BRAF: variants seen among roughly 807,000 people sequenced by gnomAD.
BRAF encodes B-Raf proto-oncogene, serine/threonine kinase, also known as serine/threonine-protein kinase B-raf.
In BRAF, 16 loss-of-function variants were observed where a neutral mutation model predicts 104.6. The observed-to-expected ratio is 0.15, with a 90% CI of 0.10 to 0.23. The LOEUF is 0.23. BRAF is among the 10% of genes least tolerant of loss of function. The pLI is 1.00. For missense variants in BRAF, 541 were observed against 937.3 expected (o/e 0.58, Z 5.52); for synonymous variants, 310 against 341.6 (o/e 0.91, Z 1.02).
At chr7:140,819,978 C>T (rs1338377503) in intron 3 of BRAF, among the ~76,000 whole-genome samples, 3 of 152,084 alleles carry the variant, frequency 2.0e-5, no homozygotes, top group Non-Finnish European at 4.4e-5. Flanking sequence ...TGAATTATAT[C>T]TCAATAAACC....
chr7:140,854,128 C>T (rs529065057), intron 1 of BRAF, among the ~76,000 whole-genome samples: 223 of 152,252 alleles, frequency 1.5e-3, no homozygotes, highest in Admixed American at 2.9e-3. Flanking sequence ...CAGCAGCACA[C>T]CTGGCTAATT....
chr7:140,766,680 A>G (rs552803054), intron 14 of BRAF, among the ~76,000 whole-genome samples: 1 of 152,026 alleles, frequency 6.6e-6, no homozygotes, highest in East Asian at 1.9e-4. Flanking sequence ...CCTCCCGAGT[A>G]GCTGGGACCA....
intron 1 of BRAF, among the ~76,000 whole-genome samples, chr7:140,859,251 G>A (rs1001262089): frequency 3.9e-5 from 6 of 152,218 alleles, no homozygotes; most frequent in African/African-American, 1.4e-4. Flanking sequence ...AGTTGGCTCA[G>A]GAGGTCTGAG....
Position 140,808,155 on chromosome 7 carries a change from G to C in BRAF, c.609-93C>G, listed in dbSNP as rs1480423841. ...AGATATGAAAATTGGTTATCGAGGG[G>C]CTAGTAACAGTGAGGGAGGTTTGGC... is the stretch of plus-strand genomic sequence containing the variant. On this transcript the variant is annotated intron_variant, in intron 4 of 19. Coordinates refer to ENST00000644969, the MANE Select transcript of BRAF (RefSeq NM_001374258.1). The C allele has an allele frequency of 6.3e-6, 6 of 951,692 alleles. No homozygotes were observed. In the East Asian group the frequency reaches 1.5e-4, roughly 24 times the overall value. The allele number at this position is 951,692 out of a possible 1,614,324, so 59.0% of individuals were successfully genotyped here. A position where few individuals can be genotyped will look rare whatever the true frequency, so the allele number is the denominator to read the frequency against.
In BRAF at chr7:140,798,089, T is replaced by A. The variant is rs538158424; in HGVS notation, c.980+2273A>T. ...ACCAGAAAGGTTGGCTTTGTAAAAA[T>A]TACAAAGTTGTACTGAAAATGTCAA... On this transcript the variant is annotated intron_variant, in intron 7 of 19. Coordinates refer to ENST00000644969, the MANE Select transcript of BRAF (RefSeq NM_001374258.1). Among the ~76,000 whole-genome samples, 11 of 152,202 alleles carry A rather than the reference T, an allele frequency of 7.2e-5. No individual in the cohort carries two copies. The South Asian group carries it at 2.3e-3, about 32-fold the overall frequency.
chr7:140,828,336 T>C (rs1586315470), intron 3 of BRAF, among the ~76,000 whole-genome samples: 1 of 152,362 alleles, frequency 6.6e-6, no homozygotes, highest in Non-Finnish European at 1.5e-5. Context: ...TTGAGGGTTA[T>C]AGTTCAGCGA....
At chr7:140,752,972 CTG>C (rs1422238121) in intron 16 of BRAF, among the ~76,000 whole-genome samples, 1 of 149,880 alleles carries the variant, frequency 6.7e-6, no homozygotes, top group Non-Finnish European at 1.5e-5. Flanking sequence ...TTGAAATACA[CTG>C]AAACTGGTTT....
At chr7:140,879,740 T>C (rs1250535421) in intron 1 of BRAF, among the ~76,000 whole-genome samples, 3 of 151,518 alleles carry the variant, frequency 2.0e-5, no homozygotes, top group East Asian at 1.9e-4. Flanking sequence ...CTTTCTTTTT[T>C]TTTTTTTTAA....
chr7:140,919,133 C>T (rs1248196795), intron 1 of BRAF, among the ~76,000 whole-genome samples: 1 of 136,992 alleles, frequency 7.3e-6, no homozygotes, highest in Non-Finnish European at 1.5e-5. Context: ...CGAGACAGAG[C>T]GAGACTCCGT....
rs1450528998 is a variant in BRAF, at chr7:140,721,702, G to T, written c.*4792C>A. 2 of 1,531,832 alleles carry T rather than the reference G, an allele frequency of 1.3e-6. No individual in the cohort carries two copies. The highest frequency in any genetic ancestry group is 2.7e-5 in the African/African-American group (2 of 72,740). 94.9% of individuals were successfully genotyped at this position (1,531,832 alleles called of 1,614,324 possible). On this transcript the variant is annotated 3_prime_UTR_variant, in exon 20 of 20. Coordinates refer to ENST00000644969, the MANE Select transcript of BRAF (RefSeq NM_001374258.1). ...ATCCATCCCAGTATAACATTTCAAG[G>T]ATGTGCTGGAGACAATACATGGACT...
chr7:140,761,040 G>T (rs1429372840), intron 14 of BRAF, among the ~76,000 whole-genome samples: 4 of 151,990 alleles, frequency 2.6e-5, no homozygotes, highest in Non-Finnish European at 5.9e-5. Flanking sequence ...TACAGAGAAC[G>T]CCACAAAGAT....
intron 3 of BRAF, among the ~76,000 whole-genome samples, chr7:140,817,299 G>C (rs1005318199): frequency 5.9e-5 from 9 of 152,066 alleles, no homozygotes; most frequent in Non-Finnish European, 1.0e-4. Flanking sequence ...CAAGAAACTG[G>C]AGAGAACACA....
chr7:140,734,994 G>A lies in BRAF; in HGVS notation c.2248-224C>T, dbSNP rs545800032. Reference sequence around the variant, plus strand: ...AATAATTGGTATTTTTTCTTAAGAAGAAACTCTCTCTGTAAATTAAATGGG... The same window carrying A: ...AATAATTGGTATTTTTTCTTAAGAAAAAACTCTCTCTGTAAATTAAATGGG... On this transcript the variant is annotated intron_variant, in intron 18 of 19. Transcript: ENST00000644969. 5.3e-5 allele frequency among the ~76,000 whole-genome samples: 8 copies of A among 152,106 alleles called. No individual in the cohort carries two copies. The East Asian group carries it at 1.2e-3, about 22-fold the overall frequency.
intron 1 of BRAF, among the ~76,000 whole-genome samples, chr7:140,879,747 T>A (rs1812675073): frequency 6.6e-6 from 1 of 151,422 alleles, no homozygotes; most frequent in East Asian, 1.9e-4. Context: ...TTTTTTTTTT[T>A]TAAGATGGAG....
rs1319576389 is a variant in BRAF, at chr7:140,725,102, T to C, written c.*1392A>G. 2.9e-6 allele frequency: 3 copies of C among 1,043,690 alleles called. No individual in the cohort carries two copies. The highest frequency in any genetic ancestry group is 3.5e-6 in the Non-Finnish European group (3 of 865,766). The allele number at this position is 1,043,690 out of a possible 1,614,324, so 64.7% of individuals were successfully genotyped here. ...TTCAGCTGCCAAATTGCCCAACCTT[T>C]TGAAGACCAGGCTTGGGAAAAAAGG... On this transcript the variant is annotated 3_prime_UTR_variant, in exon 20 of 20. Coordinates refer to ENST00000644969, the MANE Select transcript of BRAF (RefSeq NM_001374258.1).
intron 1 of BRAF, among the ~76,000 whole-genome samples, chr7:140,880,490 C>G (rs569222279): frequency 3.9e-5 from 6 of 152,162 alleles, no homozygotes; most frequent in Non-Finnish European, 8.8e-5. Flanking sequence ...CTTCCAAACT[C>G]CTGTTAATGG....
At chr7:140,860,480 AAG>A (rs553750356) in intron 1 of BRAF, among the ~76,000 whole-genome samples, 19,941 of 135,512 alleles carry the variant, frequency 0.15, 2,731 homozygotes, top group African/African-American at 0.44. Flanking sequence ...AAAAAAAAAA[AAG>A]AAAAAAAAGA....
rs1194223641 is a variant in BRAF, at chr7:140,790,445, A to C, written c.1141-2861T>G. On this transcript the variant is annotated intron_variant, in intron 8 of 19. Coordinates refer to ENST00000644969, the MANE Select transcript of BRAF (RefSeq NM_001374258.1). ...CTTACTTACATCCCTTCCCTTCATCATAATAGAGAAAACAAAAGCCATCAA... is the reference window on the plus strand; with the variant it reads ...CTTACTTACATCCCTTCCCTTCATCCTAATAGAGAAAACAAAAGCCATCAA... Among the ~76,000 whole-genome samples the C allele has an allele frequency of 3.9e-5, 6 of 152,230 alleles. No individual in the cohort carries two copies. In the South Asian group the frequency reaches 1.2e-3, roughly 32 times the overall value.
At chr7:140,768,646 A>T (rs1338726926) in intron 14 of BRAF, among the ~76,000 whole-genome samples, 1 of 152,072 alleles carries the variant, frequency 6.6e-6, no homozygotes, top group Non-Finnish European at 1.5e-5. Flanking sequence ...GGAGTGTGCT[A>T]CCATGCTTGG....
Sources: allele counts gnomAD v4.1 joint callset (sites outside exome capture counted in the v4.1 genomes callset), GRCh38; gene constraint gnomAD v4.1.1; transcripts MANE v1.5; gene names NCBI Gene and HGNC (gene_info 2026-07-23, HGNC 2026-07-21).